TIMM9: variants seen among roughly 807,000 people sequenced by gnomAD.
The protein encoded by TIMM9 is translocase of inner mitochondrial membrane 9.
A neutral mutation model predicts 13.4 loss-of-function variants in TIMM9; 10 were observed. The observed-to-expected ratio is 0.75, with a 90% confidence interval of 0.46 to 1.26. The LOEUF (loss-of-function observed/expected upper bound fraction) is 1.26. Among genes scored for constraint, TIMM9 ranks in the 50% most tolerant of loss-of-function variants. TIMM9 has a pLI of 0.00. For synonymous variants in TIMM9, 32 were observed against 32.1 expected, an observed-to-expected ratio of 1.00 and a Z score of 0.01; for missense variants, 87 against 100.8, an observed-to-expected ratio of 0.86 and a Z score of 0.58.
intron 5 of TIMM9, 50 bp from the exon 6 acceptor site, chr14:58,409,218 T>C (rs1057302087): frequency 1.3e-6 from 2 of 1,593,796 alleles, no homozygotes; most frequent in African/African-American, 1.4e-5. Flanking sequence ...ATATGAATTT[T>C]TTAAAATGCA....
chr14:58,413,175 A>C (rs1331433425), intron 3 of TIMM9, among the ~76,000 whole-genome samples: 1 of 152,138 alleles, frequency 6.6e-6, no homozygotes, highest in Non-Finnish European at 1.5e-5. Context: ...CCACATCTCA[A>C]TTTGAATGCT....
At chr14:58,423,514 CAAAAA>C (rs398025245) in intron 3 of TIMM9, among the ~76,000 whole-genome samples, 1 of 66,500 alleles carries the variant, frequency 1.5e-5, no homozygotes. Flanking sequence ...GACTTTGTCT[CAAAAA>C]AAAAAAAAAA....
At chr14:58,411,858 A>G (rs1283963976) in intron 4 of TIMM9, 49 bp downstream of exon 4, 1 of 1,555,406 alleles carries the variant, frequency 6.4e-7, no homozygotes, top group Non-Finnish European at 8.9e-7. Context: ...CATTAGTAGC[A>G]CCTTACATTT....
chr14:58,421,635 C>T (rs553429462), intron 3 of TIMM9, among the ~76,000 whole-genome samples: 83 of 152,190 alleles, frequency 5.5e-4, no homozygotes, highest in Non-Finnish European at 9.1e-4. Flanking sequence ...TGCCAAAGAA[C>T]AACATGCAGC....
At chr14:58,423,346 C>T (rs889925824) in intron 3 of TIMM9, among the ~76,000 whole-genome samples, 1 of 150,870 alleles carries the variant, frequency 6.6e-6, no homozygotes, top group African/African-American at 2.4e-5. Flanking sequence ...GGTGAAACCC[C>T]GTCTCTACTA....
chr14:58,420,296 T>C (rs966066978), intron 3 of TIMM9, among the ~76,000 whole-genome samples: 3 of 152,144 alleles, frequency 2.0e-5, no homozygotes, highest in Non-Finnish European at 2.9e-5. Flanking sequence ...GAGGAAATAT[T>C]TGCAAACTAC....
chr14:58,420,519 G>A (rs1184932794), intron 3 of TIMM9, among the ~76,000 whole-genome samples: 2 of 152,116 alleles, frequency 1.3e-5, no homozygotes, highest in African/African-American at 4.8e-5. Flanking sequence ...GCTGCTGGGT[G>A]CGGTGGCTCA....
At chr14:58,423,370 T>C (rs1178904290) in intron 3 of TIMM9, among the ~76,000 whole-genome samples, 2 of 151,294 alleles carry the variant, frequency 1.3e-5, no homozygotes, top group African/African-American at 2.4e-5. Context: ...ATACAAAAAT[T>C]AGCCGGGCAT....
Position 58,408,716 on chromosome 14 carries a change from A to G in TIMM9, c.*318T>C, listed in dbSNP as rs1595003765. 1.3e-5 allele frequency: 11 copies of G among 848,384 alleles called. No homozygotes were observed. In the South Asian group the frequency reaches 1.6e-4, roughly 12 times the overall value. The allele number at this position is 848,384 out of a possible 1,614,324, so 52.6% of individuals were successfully genotyped here. On this transcript the variant is annotated 3_prime_UTR_variant, in exon 6 of 6. Coordinates refer to ENST00000395159, the MANE Select transcript of TIMM9 (RefSeq NM_012460.4). ...TTCTATCTCATACATGATCGAACACATAAGTTGCTTTAAAATTAACAGTCA... is the reference window on the plus strand; with the variant it reads ...TTCTATCTCATACATGATCGAACACGTAAGTTGCTTTAAAATTAACAGTCA...
In TIMM9 at chr14:58,417,553, A is replaced by C. The variant is rs185983337; in HGVS notation, c.-26-5582T>G. Among the ~76,000 whole-genome samples, 1,106 of 112,118 alleles carry C rather than the reference A, an allele frequency of 9.9e-3. 24 individuals carry two copies. Among genetic ancestry groups the C allele is most frequent in the African/African-American group, 0.034 (1,027 of 30,140 alleles). 73.6% of individuals were successfully genotyped at this position (112,118 alleles called of 152,430 possible). A position where few individuals can be genotyped will look rare whatever the true frequency, so the allele number is the denominator to read the frequency against. On this transcript the variant is annotated intron_variant, in intron 3 of 5. Coordinates refer to ENST00000395159, the MANE Select transcript of TIMM9 (RefSeq NM_012460.4). ...GGTAAGGAAGGAAGAAAGGGGAGGG[A>C]GAGAGGGAAAGGAGCGTGGGAGGGA... is the stretch of plus-strand genomic sequence containing the variant.
chr14:58,424,263 G>A (rs1247922301), intron 2 of TIMM9, among the ~76,000 whole-genome samples, 168 bp from the exon 3 acceptor site: 2 of 151,886 alleles, frequency 1.3e-5, no homozygotes, highest in African/African-American at 4.8e-5. Flanking sequence ...TGGCATATGT[G>A]TTACTATTAA....
intron 2 of TIMM9, among the ~76,000 whole-genome samples, chr14:58,425,731 T>C (rs2036728533): frequency 6.6e-6 from 1 of 152,222 alleles, no homozygotes; most frequent in Non-Finnish European, 1.5e-5. Flanking sequence ...GACTCTGACA[T>C]TGTAGTTCTT....
intron 5 of TIMM9, among the ~76,000 whole-genome samples, chr14:58,410,294 C>T (rs1051038583): frequency 2.2e-4 from 34 of 151,944 alleles, no homozygotes; most frequent in African/African-American, 8.0e-4. Context: ...AGGCTGGTTT[C>T]GAACTCCTGG....
chr14:58,411,988 A>T lies in TIMM9; in HGVS notation c.-26-17T>A. On this transcript the variant is annotated splice_polypyrimidine_tract_variant and intron_variant, in intron 3 of 5. Coordinates refer to ENST00000395159, the MANE Select transcript of TIMM9 (RefSeq NM_012460.4). ...ATTAGTCACCTAATTTAAAAATTCA[A>T]AACAAGTTTGTCAATCTATAAACAA... 6.3e-7 allele frequency: 1 copy of T among 1,590,696 alleles called. No homozygotes were observed. Among genetic ancestry groups the T allele is most frequent in the Non-Finnish European group, 8.6e-7 (1 of 1,159,734 alleles).
Position 58,408,842 on chromosome 14 carries a change from A to C in TIMM9, c.*192T>G. 1 of 798,666 alleles carries C rather than the reference A, an allele frequency of 1.3e-6. No individual in the cohort carries two copies. The highest frequency in any genetic ancestry group is 1.8e-5 in the African/African-American group (1 of 56,542). 49.5% of individuals were successfully genotyped at this position (798,666 alleles called of 1,614,324 possible). On this transcript the variant is annotated 3_prime_UTR_variant, in exon 6 of 6. Coordinates refer to ENST00000395159, the MANE Select transcript of TIMM9 (RefSeq NM_012460.4). ...CATCTTATTATTTCACTGAACAATA[A>C]GACCTTCTATTGTGATTATTCCTGG...
rs142126224 is a variant in TIMM9 at position 58,412,388 on chromosome 14, C to T, written c.-26-417G>A. Among the ~76,000 whole-genome samples the T allele has an allele frequency of 4.5e-4, 69 of 152,318 alleles. No individual in the cohort carries two copies. The East Asian group carries it at 0.01, about 23-fold the overall frequency. ...ATCTCTTAACCTCATGATCCGCCTG[C>T]CTCGGCTTCCCAAAGTGCTGGGATT... On this transcript the variant is annotated intron_variant, in intron 3 of 5. Coordinates refer to ENST00000395159, the MANE Select transcript of TIMM9 (RefSeq NM_012460.4).
At chr14:58,416,427 A>G (rs1277397588) in intron 3 of TIMM9, among the ~76,000 whole-genome samples, 1 of 152,230 alleles carries the variant, frequency 6.6e-6, no homozygotes, top group Non-Finnish European at 1.5e-5. Context: ...GTCAATGCAG[A>G]AACCTGTATC....
Position 58,427,225 on chromosome 14 carries a change from G to T in TIMM9, c.-286C>A. 1 of 211,088 alleles carries T rather than the reference G, an allele frequency of 4.7e-6. No homozygotes were observed. The highest frequency in any genetic ancestry group is 9.9e-6 in the Non-Finnish European group (1 of 100,568). The allele number at this position is 211,088 out of a possible 1,614,324, so 13.1% of individuals were successfully genotyped here. ...CACTTAAACCCTTAGACGCCGATTC[G>T]TTATAACGCGAGGAAATCTAGAAGA... On this transcript the variant is annotated 5_prime_UTR_variant, in exon 2 of 6. Transcript: ENST00000395159.
rs2140308152 is a variant in TIMM9, at chr14:58,408,543, C to T, written c.*491G>A. The T allele has an allele frequency of 5.6e-6, 9 of 1,613,816 alleles. No homozygotes were observed. The East Asian group carries it at 2.0e-4, about 36-fold the overall frequency. ...GTATTCACCAGCAATTTGAGGCAGACATGAATGAACAGGACTGCTTGGAGG... is the reference window on the plus strand; with the variant it reads ...GTATTCACCAGCAATTTGAGGCAGATATGAATGAACAGGACTGCTTGGAGG... On this transcript the variant is annotated 3_prime_UTR_variant, in exon 6 of 6. Coordinates refer to ENST00000395159, the MANE Select transcript of TIMM9 (RefSeq NM_012460.4).
Sources: allele counts gnomAD v4.1 joint callset (sites outside exome capture counted in the v4.1 genomes callset), GRCh38; gene constraint gnomAD v4.1.1; transcripts MANE v1.5; gene names NCBI Gene and HGNC (gene_info 2026-07-23, HGNC 2026-07-21).